CDH6: variants seen among roughly 807,000 people sequenced by gnomAD.
The protein encoded by CDH6 is cadherin 6.
A neutral mutation model predicts 78.0 loss-of-function variants in CDH6; 31 were observed. The observed-to-expected ratio is 0.40, with a 90% CI of 0.30 to 0.54. CDH6 has a LOEUF of 0.54. Ranked by LOEUF, CDH6 falls within the 20% of genes least tolerant of loss-of-function variation. CDH6 has a pLI of 0.56. For missense variants in CDH6, 724 were observed against 975.9 expected, an observed-to-expected ratio of 0.74 and a Z score of 3.44; for synonymous variants, 376 against 368.8, an observed-to-expected ratio of 1.02 and a Z score of -0.23.
At chr5:31,249,802 A>G (rs749184497) in intron 1 of CDH6, 2 of 152,230 alleles carry the variant, frequency 1.3e-5, no homozygotes, top group African/African-American at 2.4e-5. Context: ...GAGCTGCCCA[A>G]TGGGCCAGCA....
At chr5:31,223,714 G>A (rs1358615242) in intron 1 of CDH6, among the ~76,000 whole-genome samples, 4 of 152,038 alleles carry the variant, frequency 2.6e-5, no homozygotes, top group African/African-American at 9.7e-5. Flanking sequence ...GTTTAACTGT[G>A]TCCAATATAA....
chr5:31,231,427 C>CATGTCCATGTCTCAGTCCATT (rs1215264225), intron 1 of CDH6, among the ~76,000 whole-genome samples: 1 of 152,204 alleles, frequency 6.6e-6, no homozygotes, highest in Non-Finnish European at 1.5e-5. Flanking sequence ...TTCATGGACG[C>CATGTCCATGTCTCAGTCCATT]TTCCTGTCTC....
At chr5:31,201,134 G>T (rs964115708) in intron 1 of CDH6, among the ~76,000 whole-genome samples, 1 of 152,036 alleles carries the variant, frequency 6.6e-6, no homozygotes, top group African/African-American at 2.4e-5. Flanking sequence ...TTTAAATAAA[G>T]AATATTATTA....
At chr5:31,254,309 G>T (rs1446499550) in intron 1 of CDH6, among the ~76,000 whole-genome samples, 6 of 152,186 alleles carry the variant, frequency 3.9e-5, no homozygotes, top group Admixed American at 3.3e-4. Context: ...CTTCCTTTAA[G>T]TGAAAAGGTG....
Position 31,298,024 on chromosome 5 carries a change from G to A in CDH6, c.643+616G>A, listed in dbSNP as rs558313551. On this transcript the variant is annotated intron_variant, in intron 4 of 11. Transcript: ENST00000265071. ...AACTTTAGTTGTGTGAAGCCACTAA[G>A]ATTTTGCATTGTTTGTTATCAAATC... 9.5e-4 allele frequency among the ~76,000 whole-genome samples: 144 copies of A among 152,118 alleles called. 6 individuals are homozygous for A. The highest frequency in any genetic ancestry group is 1.8e-4 in the Non-Finnish European group (12 of 68,018).
intron 1 of CDH6, among the ~76,000 whole-genome samples, chr5:31,245,016 T>C (rs1342146746): frequency 1.3e-5 from 2 of 152,136 alleles, no homozygotes; most frequent in Non-Finnish European, 2.9e-5. Context: ...GACACTGACA[T>C]GGAGCAGGAA....
At position 31,233,645 on chromosome 5, in the gene CDH6, C is replaced by T. The variant is rs560738326; in HGVS notation, c.-128-33701C>T. Among the ~76,000 whole-genome samples, 4 of 152,296 alleles carry T rather than the reference C, an allele frequency of 2.6e-5. No homozygotes were observed. The South Asian group carries it at 8.3e-4, about 32-fold the overall frequency. ...TACTCTGACCTTGCTTCATTAAGAC[C>T]ATTGAAAGTTTCTTTCCTGTGTGGC... On this transcript the variant is annotated intron_variant, in intron 1 of 11. Transcript: ENST00000265071.
At chr5:31,234,721 C>T (rs543008452) in intron 1 of CDH6, among the ~76,000 whole-genome samples, 1 of 152,042 alleles carries the variant, frequency 6.6e-6, no homozygotes, top group South Asian at 2.1e-4. Context: ...AGGCTCCAGA[C>T]CTTCTTTCTT....
At chr5:31,298,539 T>C (rs1430871070) in intron 4 of CDH6, among the ~76,000 whole-genome samples, 1 of 152,212 alleles carries the variant, frequency 6.6e-6, no homozygotes, top group African/African-American at 2.4e-5. Flanking sequence ...AGGAATAAAA[T>C]TGACCTGTTG....
intron 1 of CDH6, among the ~76,000 whole-genome samples, chr5:31,231,182 C>T (rs148694003): frequency 5.9e-5 from 9 of 152,230 alleles, no homozygotes; most frequent in East Asian, 1.9e-4. Flanking sequence ...AGATTACTCA[C>T]GATGCAATTA....
intron 2 of CDH6, among the ~76,000 whole-genome samples, chr5:31,273,302 C>A (rs944984156): frequency 6.6e-6 from 1 of 152,126 alleles, no homozygotes; most frequent in Non-Finnish European, 1.5e-5. Flanking sequence ...TAATTCCATG[C>A]GTGATTCAGC....
At chr5:31,275,300 C>T (rs1742658957) in intron 2 of CDH6, among the ~76,000 whole-genome samples, 1 of 152,170 alleles carries the variant, frequency 6.6e-6, no homozygotes, top group Admixed American at 6.5e-5. Context: ...CACCCAGGTA[C>T]TGAGCATAGT....
At chr5:31,302,937 A>AAGAAAGAAAG (rs1737854409) in intron 6 of CDH6, among the ~76,000 whole-genome samples, 1 of 130,758 alleles carries the variant, frequency 7.6e-6, no homozygotes, top group African/African-American at 2.6e-5. Context: ...GAAAGAAAGA[A>AAGAAAGAAAG]AGAAAGAAAG....
intron 1 of CDH6, among the ~76,000 whole-genome samples, chr5:31,226,609 T>C (rs1223539909): frequency 1.3e-5 from 2 of 152,120 alleles, no homozygotes; most frequent in African/African-American, 2.4e-5. Flanking sequence ...ATTAGGGAAG[T>C]TCACAACCAG....
In CDH6 at chr5:31,327,854, A is replaced by C. The variant is rs1738652515; in HGVS notation, c.*4546A>C. ...AGAAAGAAAATACATTGACTCATAC[A>C]CTTGTTAAAAGTTAATAAAGAAATA... is the stretch of plus-strand genomic sequence containing the variant. On this transcript the variant is annotated 3_prime_UTR_variant, in exon 12 of 12. Transcript: ENST00000265071. 4.6e-6 allele frequency: 1 copy of C among 215,230 alleles called. No homozygotes were observed. Among genetic ancestry groups the C allele is most frequent in the Admixed American group, 5.8e-5 (1 of 17,140 alleles). 13.3% of individuals were successfully genotyped at this position (215,230 alleles called of 1,614,324 possible). A position where few individuals can be genotyped will look rare whatever the true frequency, so the allele number is the denominator to read the frequency against.
chr5:31,204,123 C>A (rs1433627516), intron 1 of CDH6, among the ~76,000 whole-genome samples: 3 of 152,216 alleles, frequency 2.0e-5, no homozygotes, highest in Non-Finnish European at 4.4e-5. Context: ...ATGTCAAATG[C>A]AAGTGCTGTA....
At chr5:31,204,421 T>C (rs1350131227) in intron 1 of CDH6, among the ~76,000 whole-genome samples, 1 of 152,186 alleles carries the variant, frequency 6.6e-6, no homozygotes, top group Non-Finnish European at 1.5e-5. Flanking sequence ...ATTTAAAATA[T>C]GAAGTTGGAA....
chr5:31,203,968 G>C (rs570368840), intron 1 of CDH6, among the ~76,000 whole-genome samples: 1 of 152,304 alleles, frequency 6.6e-6, no homozygotes, highest in South Asian at 2.1e-4. Context: ...ACAGAATGAA[G>C]TGGAGTCACT....
intron 1 of CDH6, among the ~76,000 whole-genome samples, chr5:31,242,859 TAA>T (rs143490918): frequency 1.4e-4 from 19 of 132,524 alleles, no homozygotes; most frequent in East Asian, 2.1e-4. Flanking sequence ...TCGCCTCTAC[TAA>T]AAAAAAAAAA....
Sources: allele counts gnomAD v4.1 joint callset (sites outside exome capture counted in the v4.1 genomes callset), GRCh38; gene constraint gnomAD v4.1.1; transcripts MANE v1.5; gene names NCBI Gene and HGNC (gene_info 2026-07-23, HGNC 2026-07-21).